Variants in COL8A2 observed in about 807,000 individuals in gnomAD.
The protein encoded by COL8A2 is collagen alpha-2(VIII) chain.
COL8A2 carries 16 observed loss-of-function variants against 24.0 expected under a neutral mutation model. The observed-to-expected ratio is 0.67, with a 90% confidence interval of 0.45 to 1.01. COL8A2 has a LOEUF of 1.01. COL8A2 is among the 50% of genes least tolerant of loss of function. The probability of loss-of-function intolerance (pLI) is 0.00; values close to 1 mark genes in which losing one functional copy is unlikely to be tolerated. For missense variants in COL8A2, 818 were observed against 942.4 expected, an observed-to-expected ratio of 0.87 and a Z score of 1.73; for synonymous variants, 466 against 424.5, an observed-to-expected ratio of 1.10 and a Z score of -1.20.
intron 2 of COL8A2, among the ~76,000 whole-genome samples, chr1:36,102,396 G>A (rs928096601): frequency 6.6e-6 from 1 of 152,052 alleles, no homozygotes; most frequent in African/African-American, 2.4e-5. Context: ...GGCCTCCCGG[G>A]CTCAAGTAAT....
intron 1 of COL8A2, among the ~76,000 whole-genome samples, chr1:36,117,605 G>T (rs1205552907): frequency 6.6e-6 from 1 of 152,182 alleles, no homozygotes; most frequent in African/African-American, 2.4e-5. Flanking sequence ...GTGTTCTCAT[G>T]AATTATCTCA....
At chr1:36,107,041 A>G (rs947813406) in intron 2 of COL8A2, among the ~76,000 whole-genome samples, 4 of 151,978 alleles carry the variant, frequency 2.6e-5, no homozygotes, top group African/African-American at 9.7e-5. Flanking sequence ...TAATTCTGAC[A>G]GCGTCCCTGG....
intron 2 of COL8A2, among the ~76,000 whole-genome samples, chr1:36,101,207 T>C (rs1643675421): frequency 6.6e-6 from 1 of 152,052 alleles, no homozygotes; most frequent in African/African-American, 2.4e-5. Flanking sequence ...ATTCAAGGCC[T>C]TTCTAACCTA....
chr1:36,110,232 T>C (rs2124095188), intron 2 of COL8A2, among the ~76,000 whole-genome samples: 1 of 149,652 alleles, frequency 6.7e-6, no homozygotes, highest in South Asian at 2.1e-4. Context: ...GCGCCAGGCC[T>C]ATTCCTTTAC....
rs185701841 is a variant in COL8A2, at chr1:36,106,366, G to A, written c.-16-6108C>T. Among the ~76,000 whole-genome samples, 94 of 151,708 alleles carry A rather than the reference G, an allele frequency of 6.2e-4. 1 individual carries two copies. The highest frequency in any genetic ancestry group is 6.9e-3 in the Middle Eastern group (2 of 290). ...CCTAAGCCCAGGCAGTCCAAGTCCC[G>A]AGTTCCAGCCCGTAACCACCACACC... On this transcript the variant is annotated intron_variant, in intron 2 of 3. Coordinates refer to ENST00000397799, the MANE Select transcript of COL8A2 (RefSeq NM_005202.4).
At chr1:36,118,121 C>T (rs1643888281) in intron 1 of COL8A2, among the ~76,000 whole-genome samples, 1 of 152,208 alleles carries the variant, frequency 6.6e-6, no homozygotes, top group African/African-American at 2.4e-5. Flanking sequence ...TAGGCACACT[C>T]CTGGCACTAT....
rs1274416207 is a variant in COL8A2, at chr1:36,096,297, C to G, written c.*1272G>C. 2 of 152,338 alleles carry G rather than the reference C, an allele frequency of 1.3e-5. No homozygotes were observed. The highest frequency in any genetic ancestry group is 2.9e-5 in the Non-Finnish European group (2 of 68,112). The allele number at this position is 152,338 out of a possible 1,614,324, so 9.4% of individuals were successfully genotyped here. ...GTTGGGAGGGGCATCCTGCCTGTTT[C>G]CTGCAGAGGAGCTCTGATCGGGGAA... On this transcript the variant is annotated 3_prime_UTR_variant, in exon 4 of 4. Coordinates refer to ENST00000397799, the MANE Select transcript of COL8A2 (RefSeq NM_005202.4).
intron 2 of COL8A2, among the ~76,000 whole-genome samples, chr1:36,112,598 C>T (rs781258239): frequency 1.3e-5 from 2 of 152,128 alleles, no homozygotes; most frequent in Admixed American, 6.6e-5. Flanking sequence ...AAACTCAGCC[C>T]AGCACCTGGC....
intron 2 of COL8A2, among the ~76,000 whole-genome samples, chr1:36,102,303 CAT>C (rs1442722337): frequency 1.3e-5 from 2 of 152,110 alleles, no homozygotes; most frequent in Non-Finnish European, 2.9e-5. Context: ...TAGGCAAATC[CAT>C]AGAGACAGAA....
Position 36,097,638 on chromosome 1 carries a change from C to T in COL8A2, c.2043G>A (p.Gln681=). The T allele has an allele frequency of 1.2e-6, 2 of 1,613,552 alleles. No homozygotes were observed. The highest frequency in any genetic ancestry group is 1.7e-5 in the Admixed American group (1 of 60,022). ...ACTCCGTGGAGTAGAGGCCGTTGGC[C>T]TGGTCCGACGGCATCTGCACCCAGA... ...DQVWVQMPSD[Q]ANGLYSTEYI... Residue 681 remains glutamine, a synonymous_variant, in exon 4 of 4, where the codon CAG becomes CAA. Transcript: ENST00000397799.
intron 2 of COL8A2, among the ~76,000 whole-genome samples, chr1:36,107,961 G>T (rs564138316): frequency 4.6e-5 from 7 of 152,114 alleles, no homozygotes. Flanking sequence ...GTTTCCCCCC[G>T]TAGCTCTCCA....
At chr1:36,112,245 C>T (rs1428874011) in intron 2 of COL8A2, among the ~76,000 whole-genome samples, 28 of 152,064 alleles carry the variant, frequency 1.8e-4, no homozygotes, top group African/African-American at 6.0e-4. Flanking sequence ...CCTCATGATC[C>T]GCCCGCCTCG....
At chr1:36,110,753 A>T (rs1302865145) in intron 2 of COL8A2, among the ~76,000 whole-genome samples, 3 of 152,174 alleles carry the variant, frequency 2.0e-5, no homozygotes, top group African/African-American at 7.2e-5. Context: ...CGGCCTCCCA[A>T]AATGCTGGGA....
intron 1 of COL8A2, among the ~76,000 whole-genome samples, chr1:36,122,464 G>A (rs1643921067): frequency 1.3e-5 from 2 of 151,994 alleles, no homozygotes; most frequent in African/African-American, 2.4e-5. Context: ...ATATGGCCTC[G>A]CAAACCCACC....
rs1459054634 is a variant in COL8A2, at chr1:36,125,064, C to T, written c.-69G>A. The T allele has an allele frequency of 1.5e-4, 152 of 980,784 alleles. No individual in the cohort carries two copies. Among genetic ancestry groups the T allele is most frequent in the East Asian group, 3.4e-4 (3 of 8,780 alleles). The allele number at this position is 980,784 out of a possible 1,614,324, so 60.8% of individuals were successfully genotyped here. A position where few individuals can be genotyped will look rare whatever the true frequency, so the allele number is the denominator to read the frequency against. The stretch of plus-strand genomic sequence containing the variant: ...CCGCCTCCTGGCCTTTACCTGCGGG[C>T]GCGGCCGCCGGGCGCCGCTCCCGGC... On this transcript the variant is annotated 5_prime_UTR_variant, in exon 1 of 4. Coordinates refer to ENST00000397799, the MANE Select transcript of COL8A2 (RefSeq NM_005202.4). The surrounding 1 kb of genome is among the most constrained non-coding windows in gnomAD (Gnocchi z 4.5).
At chr1:36,100,678 A>G (rs1643666050) in intron 2 of COL8A2, among the ~76,000 whole-genome samples, 1 of 152,128 alleles carries the variant, frequency 6.6e-6, no homozygotes, top group African/African-American at 2.4e-5. Context: ...TAGGGACATG[A>G]ATTCACTTAA....
intron 2 of COL8A2, among the ~76,000 whole-genome samples, chr1:36,108,387 T>C (rs187782841): frequency 6.6e-6 from 1 of 152,336 alleles, no homozygotes; most frequent in Admixed American, 6.5e-5. Context: ...ACTGGCTGTG[T>C]GACCCTGGGT....
At position 36,123,993 on chromosome 1, in the gene COL8A2, A is replaced by AC. The variant is rs1557750848; in HGVS notation, c.-62+1063dup. Among the ~76,000 whole-genome samples the AC allele has an allele frequency of 6.6e-6, 1 of 151,870 alleles. No individual in the cohort carries two copies. The highest frequency in any genetic ancestry group is 1.9e-4 in the East Asian group (1 of 5,162). The stretch of plus-strand genomic sequence containing the variant: ...ATCTTAGCTCAGTCCCCAGAGAGGA[A>AC]CCCCAGGCTGCCTGACCCTCCAGCC... On this transcript the variant is annotated intron_variant, in intron 1 of 3. Transcript: ENST00000397799. This position sits in a 1 kb window ranked among gnomAD's most constrained non-coding sequence, Gnocchi z 4.1.
Position 36,095,364 on chromosome 1 carries a change from G to A in COL8A2, c.*2205C>T, listed in dbSNP as rs1385945136. On this transcript the variant is annotated 3_prime_UTR_variant, in exon 4 of 4. Coordinates refer to ENST00000397799, the MANE Select transcript of COL8A2 (RefSeq NM_005202.4). The stretch of plus-strand genomic sequence containing the variant: ...TTTTTCCTGAATCTTCTGTGATACA[G>A]GGCACATGATAGGTATGTAGAGAGC... 6.6e-6 allele frequency: 1 copy of A among 152,038 alleles called. No individual in the cohort carries two copies. The allele number at this position is 152,038 out of a possible 1,614,324, so 9.4% of individuals were successfully genotyped here.
Sources: gnomAD v4.1 joint callset for allele counts (sites outside exome capture counted in the v4.1 genomes callset) on GRCh38, gnomAD v4.1.1 for gene constraint, Gnocchi (gnomAD v3.1) non-coding constraint, MANE v1.5 for transcripts, NCBI Gene and HGNC (gene_info 2026-07-23, HGNC 2026-07-21) for gene names.